FGF14: variants seen among roughly 807,000 people sequenced by gnomAD.
FGF14 encodes fibroblast growth factor 14.
Under a neutral mutation model 25.5 loss-of-function variants are expected in FGF14, and 5 were observed. The ratio of observed to expected loss-of-function variants is 0.20; its 90% CI spans 0.10 to 0.41. FGF14 has a LOEUF of 0.41. Among genes scored for constraint, FGF14 ranks in the 10% least tolerant of loss-of-function variants. FGF14 has a pLI of 1.00. For missense variants in FGF14, 222 were observed against 320.1 expected (o/e 0.69, Z 2.34); for synonymous variants, 138 against 118.3 (o/e 1.17, Z -1.08).
chr13:102,041,715 T>C (rs1421689227), intron 1 of FGF14, among the ~76,000 whole-genome samples: 1 of 152,082 alleles, frequency 6.6e-6, no homozygotes. Context: ...GTAAAAGACA[T>C]CTGGATGGGG....
chr13:101,993,098 A>C (rs1364280290), intron 1 of FGF14, among the ~76,000 whole-genome samples: 1 of 151,896 alleles, frequency 6.6e-6, no homozygotes, highest in African/African-American at 2.4e-5. Flanking sequence ...AAAACCTTAC[A>C]TATACAGAAA....
At chr13:102,013,442 C>T (rs2040184492) in intron 1 of FGF14, among the ~76,000 whole-genome samples, 2 of 152,154 alleles carry the variant, frequency 1.3e-5, no homozygotes, top group African/African-American at 4.8e-5. Context: ...TGGAAGAAAA[C>T]ACTGTCAAAT....
intron 1 of FGF14, among the ~76,000 whole-genome samples, chr13:102,312,673 T>C (rs572928033): frequency 5.3e-5 from 8 of 152,304 alleles, no homozygotes; most frequent in South Asian, 2.1e-4. Context: ...GTGATAGCCC[T>C]AGGAAAAATA....
chr13:102,279,571 T>C (rs574106685), intron 1 of FGF14, among the ~76,000 whole-genome samples: 14 of 152,222 alleles, frequency 9.2e-5, no homozygotes, highest in Admixed American at 2.0e-4. Flanking sequence ...TAATTTGTAA[T>C]ACTAATTCTA....
chr13:101,923,591 G>A (rs564812118), intron 1 of FGF14, among the ~76,000 whole-genome samples: 15 of 152,004 alleles, frequency 9.9e-5, no homozygotes, highest in South Asian at 2.1e-4. Context: ...ATTTTTTTCC[G>A]TGATAGTATT....
At chr13:101,780,024 G>A (rs1418151759) in intron 3 of FGF14, among the ~76,000 whole-genome samples, 3 of 152,086 alleles carry the variant, frequency 2.0e-5, no homozygotes, top group African/African-American at 4.8e-5. Context: ...CCTGATGGTC[G>A]CACATTCGGA....
chr13:101,754,377 T>C (rs2037505596), intron 3 of FGF14, among the ~76,000 whole-genome samples: 1 of 152,202 alleles, frequency 6.6e-6, no homozygotes, highest in Non-Finnish European at 1.5e-5. Flanking sequence ...TGTTGCTCTA[T>C]CTTTGTCAGT....
At chr13:101,810,715 C>T (rs1248730062) in intron 3 of FGF14, among the ~76,000 whole-genome samples, 4 of 152,174 alleles carry the variant, frequency 2.6e-5, no homozygotes, top group Non-Finnish European at 4.4e-5. Context: ...GGAGCTCTTT[C>T]TTTAGGCTGA....
At chr13:102,291,387 A>G (rs1414052812) in intron 1 of FGF14, among the ~76,000 whole-genome samples, 2 of 152,190 alleles carry the variant, frequency 1.3e-5, no homozygotes, top group Non-Finnish European at 1.5e-5. Flanking sequence ...AGTAGAAGGC[A>G]GAGAGGAACT....
chr13:102,018,312 C>T (rs974649297), intron 1 of FGF14, among the ~76,000 whole-genome samples: 17 of 152,058 alleles, frequency 1.1e-4, no homozygotes, highest in Non-Finnish European at 2.2e-4. Context: ...TCCCAGAGTC[C>T]GCAACCAAAT....
intron 1 of FGF14, among the ~76,000 whole-genome samples, chr13:102,143,624 C>T (rs1594129412): frequency 6.6e-6 from 1 of 152,168 alleles, no homozygotes; most frequent in Non-Finnish European, 1.5e-5. Context: ...AAGTTTATAT[C>T]TGCCCAGTAA....
chr13:101,849,302 C>G (rs891103435), intron 3 of FGF14, among the ~76,000 whole-genome samples: 4 of 152,118 alleles, frequency 2.6e-5, no homozygotes, highest in South Asian at 4.1e-4. Flanking sequence ...GACCGGAAAC[C>G]AAATGCTTAC....
At chr13:102,272,434 T>C (rs893037183) in intron 1 of FGF14, among the ~76,000 whole-genome samples, 2 of 152,174 alleles carry the variant, frequency 1.3e-5, no homozygotes, top group African/African-American at 4.8e-5. Context: ...GGATAGAAGA[T>C]ACCTTGTCCA....
chr13:101,749,411 C>T (rs2037123959), intron 3 of FGF14, among the ~76,000 whole-genome samples: 1 of 151,936 alleles, frequency 6.6e-6, no homozygotes, highest in Non-Finnish European at 1.5e-5. Context: ...CAATAAAAGT[C>T]AATCCCAAAG....
intron 1 of FGF14, among the ~76,000 whole-genome samples, chr13:102,345,596 T>C (rs1188068661): frequency 1.3e-5 from 2 of 152,228 alleles, no homozygotes; most frequent in Admixed American, 6.5e-5. Context: ...TCTGTTGCCG[T>C]GGGTTGTTCT....
chr13:102,060,879 C>G (rs2042656428), intron 1 of FGF14, among the ~76,000 whole-genome samples: 1 of 152,132 alleles, frequency 6.6e-6, no homozygotes, highest in Admixed American at 6.5e-5. Flanking sequence ...TAAAAAAACC[C>G]AAGACCCTAT....
chr13:102,073,521 G>GA (rs1418946530), intron 1 of FGF14, among the ~76,000 whole-genome samples: 3 of 152,192 alleles, frequency 2.0e-5, no homozygotes, highest in African/African-American at 7.2e-5. Context: ...CCTGTGCCAA[G>GA]AAAGTTAAAT....
intron 1 of FGF14, among the ~76,000 whole-genome samples, chr13:101,887,534 A>G (rs1486459575): frequency 6.6e-6 from 1 of 152,022 alleles, no homozygotes; most frequent in Non-Finnish European, 1.5e-5. Flanking sequence ...TGGGAGCTAA[A>G]ATAGTTGATC....
At chr13:101,954,319 G>C (rs1034892314) in intron 1 of FGF14, among the ~76,000 whole-genome samples, 3 of 151,022 alleles carry the variant, frequency 2.0e-5, no homozygotes, top group African/African-American at 7.4e-5. Context: ...TGGGCGGGGT[G>C]GGGGGGTGGT....
Sources: allele counts gnomAD v4.1 joint callset (sites outside exome capture counted in the v4.1 genomes callset), GRCh38; gene constraint gnomAD v4.1.1; transcripts MANE v1.5; gene names NCBI Gene and HGNC (gene_info 2026-07-23, HGNC 2026-07-21).